Variants in CTNND2 observed in about 807,000 individuals in gnomAD.
CTNND2 encodes the protein catenin delta-2.
In CTNND2, 22 loss-of-function variants were observed where a neutral mutation model predicts 144.4. That is an observed-to-expected ratio of 0.15 (90% CI 0.11 to 0.22). CTNND2 has a LOEUF of 0.22. Ranked by LOEUF, CTNND2 falls within the 10% of genes least tolerant of loss-of-function variation. The pLI, the probability that CTNND2 is intolerant of heterozygous loss-of-function variation, is 1.00. For missense variants in CTNND2, 1,353 were observed against 1,618.8 expected (o/e 0.84, Z 2.82); for synonymous variants, 751 against 695.6 (o/e 1.08, Z -1.25).
At chr5:11,852,077 C>T (rs1055876834) in intron 1 of CTNND2, among the ~76,000 whole-genome samples, 5 of 152,146 alleles carry the variant, frequency 3.3e-5, no homozygotes, top group East Asian at 1.9e-4. Flanking sequence ...TGGCACCCAA[C>T]GGCATTCATT....
At chr5:11,176,765 A>G (rs1462510963) in intron 11 of CTNND2, among the ~76,000 whole-genome samples, 1 of 152,106 alleles carries the variant, frequency 6.6e-6, no homozygotes, top group African/African-American at 2.4e-5. Context: ...AAATCCAACC[A>G]TAACCTGACT....
intron 2 of CTNND2, among the ~76,000 whole-genome samples, chr5:11,730,330 A>C (rs1787311004): frequency 6.6e-6 from 1 of 151,992 alleles, no homozygotes. Context: ...ATTTCTCTTT[A>C]TGCTGTAAGT....
chr5:11,657,675 G>T (rs2126557070), intron 2 of CTNND2, among the ~76,000 whole-genome samples: 1 of 152,198 alleles, frequency 6.6e-6, no homozygotes, highest in East Asian at 1.9e-4. Context: ...AGATTAGTAT[G>T]CTATTTAAGA....
chr5:11,506,320 A>G (rs536432260), intron 3 of CTNND2, among the ~76,000 whole-genome samples: 194 of 152,328 alleles, frequency 1.3e-3, no homozygotes, highest in African/African-American at 4.3e-3. Flanking sequence ...TCTTACCTAC[A>G]ACACAGGGAT....
chr5:11,059,515 G>A (rs1051068365), intron 16 of CTNND2, among the ~76,000 whole-genome samples: 5 of 152,200 alleles, frequency 3.3e-5, no homozygotes, highest in African/African-American at 1.2e-4. Flanking sequence ...TTTCTAAATT[G>A]CCCAGTCTCA....
At chr5:11,483,382 G>C (rs946620881) in intron 3 of CTNND2, among the ~76,000 whole-genome samples, 1 of 152,180 alleles carries the variant, frequency 6.6e-6, no homozygotes, top group African/African-American at 2.4e-5. Flanking sequence ...TGAGACTTCA[G>C]AGCAGCCATG....
At chr5:10,975,067 C>G (rs1191034247) in intron 21 of CTNND2, among the ~76,000 whole-genome samples, 2 of 152,158 alleles carry the variant, frequency 1.3e-5, no homozygotes. Flanking sequence ...CTTTGTTAGC[C>G]TGAGAGCTAA....
chr5:11,395,101 C>A (rs1759967901), intron 6 of CTNND2, among the ~76,000 whole-genome samples: 1 of 152,116 alleles, frequency 6.6e-6, no homozygotes, highest in East Asian at 1.9e-4. Context: ...TCACACCACT[C>A]AAATAGAGGG....
At chr5:11,851,308 C>T (rs189913254) in intron 1 of CTNND2, among the ~76,000 whole-genome samples, 1 of 152,182 alleles carries the variant, frequency 6.6e-6, no homozygotes. Context: ...TGTTCTGTTT[C>T]CCTAGAATGA....
At chr5:10,991,224 T>C (rs1171356322) in intron 19 of CTNND2, among the ~76,000 whole-genome samples, 1 of 152,230 alleles carries the variant, frequency 6.6e-6, no homozygotes, top group Non-Finnish European at 1.5e-5. Context: ...TTTCTCATCA[T>C]GTTGACAGTA....
intron 3 of CTNND2, among the ~76,000 whole-genome samples, chr5:11,555,916 A>G (rs149712734): frequency 3.9e-4 from 59 of 152,258 alleles, no homozygotes; most frequent in Admixed American, 3.9e-3. Flanking sequence ...AGTCCCTCTA[A>G]TTTGTTCTTC....
chr5:11,327,201 G>T (rs910340023), intron 9 of CTNND2, among the ~76,000 whole-genome samples: 1 of 152,128 alleles, frequency 6.6e-6, no homozygotes, highest in Non-Finnish European at 1.5e-5. Context: ...CAGTGGGAAA[G>T]GACAAAGAAG....
intron 2 of CTNND2, among the ~76,000 whole-genome samples, chr5:11,691,145 G>C (rs113444257): frequency 2.1e-4 from 32 of 152,294 alleles, no homozygotes; most frequent in African/African-American, 7.5e-4. Context: ...GCCGAGGCGG[G>C]TGGATCACAA....
chr5:11,102,965 A>T lies in CTNND2; in HGVS notation c.2464-4217T>A, dbSNP rs1196944144. Among the ~76,000 whole-genome samples, 3 of 142,058 alleles carry T rather than the reference A, an allele frequency of 2.1e-5. No individual in the cohort carries two copies. The East Asian group carries it at 6.2e-4, about 29-fold the overall frequency. The allele number at this position is 142,058 out of a possible 152,430, so 93.2% of individuals were successfully genotyped here. ...TCCATGCAGGGCTTAAATTCTATTT[A>T]AAAGATTTTTTTTTTTTTTTTTTTT... is the stretch of plus-strand genomic sequence containing the variant. On this transcript the variant is annotated intron_variant, in intron 14 of 21. Transcript: ENST00000304623.
At chr5:11,262,029 A>T (rs992546831) in intron 9 of CTNND2, among the ~76,000 whole-genome samples, 8 of 152,178 alleles carry the variant, frequency 5.3e-5, no homozygotes, top group South Asian at 2.1e-4. Context: ...TCTATTATAG[A>T]GATCAAGAGT....
chr5:11,431,241 G>A (rs1179452259), intron 3 of CTNND2, among the ~76,000 whole-genome samples: 1 of 152,118 alleles, frequency 6.6e-6, no homozygotes, highest in Non-Finnish European at 1.5e-5. Flanking sequence ...ACTCTTAGAG[G>A]TGAACTCAGC....
At chr5:11,591,953 A>G (rs918080400) in intron 2 of CTNND2, among the ~76,000 whole-genome samples, 1 of 152,102 alleles carries the variant, frequency 6.6e-6, no homozygotes, top group Admixed American at 6.5e-5. Flanking sequence ...GGCAGCTGGT[A>G]GCTGAAAATG....
intron 3 of CTNND2, among the ~76,000 whole-genome samples, chr5:11,485,345 CTGTGTGTGTG>C (rs375624492): frequency 2.7e-5 from 4 of 148,736 alleles, no homozygotes; most frequent in Admixed American, 6.6e-5. Context: ...GAGACAGAGA[CTGTGTGTGTG>C]TGTGTGTGTG....
intron 1 of CTNND2, among the ~76,000 whole-genome samples, chr5:11,857,650 G>A (rs925149386): frequency 3.3e-5 from 5 of 152,136 alleles, no homozygotes; most frequent in African/African-American, 1.2e-4. Context: ...TATATATTAA[G>A]TACGGGTTAA....
Sources: allele counts gnomAD v4.1 joint callset (sites outside exome capture counted in the v4.1 genomes callset), GRCh38; gene constraint gnomAD v4.1.1; transcripts MANE v1.5; gene names NCBI Gene and HGNC (gene_info 2026-07-23, HGNC 2026-07-21).